PCDHA3: variants seen among roughly 807,000 people sequenced by gnomAD.
PCDHA3 encodes protocadherin alpha 3.
In PCDHA3, 41 loss-of-function variants were observed where a neutral mutation model predicts 62.2. The ratio of observed to expected loss-of-function variants is 0.66; its 90% CI spans 0.51 to 0.86. The LOEUF (loss-of-function observed/expected upper bound fraction) is 0.86. Ranked by LOEUF, PCDHA3 falls within the 40% of genes least tolerant of loss-of-function variation. PCDHA3 has a pLI of 0.00. For synonymous variants in PCDHA3, 640 were observed against 555.4 expected (o/e 1.15, Z -2.14); for missense variants, 1,304 against 1,241.2 (o/e 1.05, Z -0.76).
At chr5:140,807,293 T>C (rs782145999) in intron 1 of PCDHA3, 2 of 1,614,084 alleles carry the variant, frequency 1.2e-6, no homozygotes, top group African/African-American at 2.7e-5. Flanking sequence ...CTACTCGGTC[T>C]CCGAGGAGGC....
intron 1 of PCDHA3, among the ~76,000 whole-genome samples, chr5:140,975,707 A>C (rs1445809800): frequency 6.6e-6 from 1 of 152,204 alleles, no homozygotes; most frequent in African/African-American, 2.4e-5. Context: ...ATTTTACTTT[A>C]AATCTTAGAA....
intron 1 of PCDHA3, chr5:140,815,025 C>T (rs1481825533): frequency 4.6e-5 from 7 of 152,110 alleles, no homozygotes; most frequent in African/African-American, 1.7e-4. Flanking sequence ...CTTTTGGTTA[C>T]AATTTGCATG....
Position 141,010,422 on chromosome 5 carries a change from G to A in PCDHA3, c.*485G>A. The A allele has an allele frequency of 8.7e-7, 1 of 1,145,442 alleles. No homozygotes were observed. Among genetic ancestry groups the A allele is most frequent in the Non-Finnish European group, 1.2e-6 (1 of 836,490 alleles). The allele number at this position is 1,145,442 out of a possible 1,614,324, so 71.0% of individuals were successfully genotyped here. A position where few individuals can be genotyped will look rare whatever the true frequency, so the allele number is the denominator to read the frequency against. On this transcript the variant is annotated 3_prime_UTR_variant, in exon 4 of 4. Transcript: ENST00000522353. ...AGCTTAGACTAATTGGTACAAGGAA[G>A]GCAAGAAAACAAAGACAAATAAACA... is the stretch of plus-strand genomic sequence containing the variant.
intron 1 of PCDHA3, chr5:140,968,754 G>T: frequency 1.2e-6 from 2 of 1,614,170 alleles, no homozygotes; most frequent in Non-Finnish European, 1.7e-6. Flanking sequence ...GTGGTGGTCC[G>T]AGATAATGGA....
intron 1 of PCDHA3, chr5:140,877,508 C>T (rs892674985): frequency 2.5e-6 from 4 of 1,613,808 alleles, no homozygotes; most frequent in Non-Finnish European, 2.5e-6. Context: ...CCAAAGACGT[C>T]GTCGCGGGCC....
chr5:140,922,177 A>G (rs1194396252), intron 1 of PCDHA3, among the ~76,000 whole-genome samples: 1 of 69,034 alleles, frequency 1.4e-5, no homozygotes, highest in Non-Finnish European at 3.3e-5. Context: ...TACAGCAGAC[A>G]AAAAAAAAGT....
rs376867914 is a variant in PCDHA3 at position 140,880,239 on chromosome 5, TGC to T, written c.2394+76650_2394+76651del. Among the ~76,000 whole-genome samples the T allele has an allele frequency of 5.6e-3, 860 of 152,302 alleles. 5 individuals carry two copies. The highest frequency in any genetic ancestry group is 0.014 in the Middle Eastern group (4 of 294). On this transcript the variant is annotated intron_variant, in intron 1 of 3. Transcript: ENST00000522353. ...AGTAGAACATTTAAATTAGTGTATG[TGC>T]GTGTGTGTATGTATACATATTTTAG...
At chr5:140,927,054 C>CT in intron 1 of PCDHA3, 1 of 1,611,076 alleles carries the variant, frequency 6.2e-7, no homozygotes, top group African/African-American at 1.3e-5. Context: ...CCTCGCGGAA[C>CT]TTTCGCTTCC....
At chr5:140,867,151 A>G (rs1437256888) in intron 1 of PCDHA3, 1 of 152,150 alleles carries the variant, frequency 6.6e-6, no homozygotes, top group Non-Finnish European at 1.5e-5. Context: ...ATTTTTCCAG[A>G]GTAAACCTTC....
intron 1 of PCDHA3, chr5:140,968,630 TA>T: frequency 6.2e-7 from 1 of 1,614,192 alleles, no homozygotes; most frequent in Non-Finnish European, 8.5e-7. Flanking sequence ...TTGGCTTTTT[TA>T]CCATCTAGCC....
At chr5:140,935,310 C>T (rs569890065) in intron 1 of PCDHA3, among the ~76,000 whole-genome samples, 2 of 152,200 alleles carry the variant, frequency 1.3e-5, no homozygotes, top group Non-Finnish European at 2.9e-5. Flanking sequence ...TACTTAACTT[C>T]ATCAATCTTA....
At chr5:140,993,509 C>T (rs930990761) in intron 3 of PCDHA3, among the ~76,000 whole-genome samples, 23 of 143,490 alleles carry the variant, frequency 1.6e-4, no homozygotes, top group Admixed American at 3.5e-4. Context: ...CACACACACA[C>T]GGGGAGAGAG....
chr5:140,809,434 A>T, intron 1 of PCDHA3: 2 of 1,614,242 alleles, frequency 1.2e-6, no homozygotes, highest in South Asian at 2.2e-5. Flanking sequence ...GGAGCTGGTC[A>T]TACTCGCAGC....
intron 1 of PCDHA3, among the ~76,000 whole-genome samples, chr5:140,894,027 A>G (rs1251239546): frequency 6.6e-6 from 1 of 152,206 alleles, no homozygotes; most frequent in Non-Finnish European, 1.5e-5. Context: ...AGTTCTGCAT[A>G]CTGGTAATGT....
intron 1 of PCDHA3, chr5:140,807,605 C>T: frequency 6.2e-7 from 1 of 1,614,208 alleles, no homozygotes; most frequent in Non-Finnish European, 8.5e-7. Flanking sequence ...ACAAAAGAAC[C>T]TGTCCATCGC....
chr5:140,853,745 C>G lies in PCDHA3; in HGVS notation c.2394+50154C>G. ...TAAGTCCTCATTGAATGTTCTGGTT[C>G]AAGGCTCCACCTCAGAAATTCTGAA... On this transcript the variant is annotated intron_variant, in intron 1 of 3. Transcript: ENST00000522353. 3.0e-6 allele frequency: 3 copies of G among 988,528 alleles called. 1 individual carries two copies. Among genetic ancestry groups the G allele is most frequent in the Non-Finnish European group, 3.7e-6 (3 of 820,460 alleles). The allele number at this position is 988,528 out of a possible 1,614,324, so 61.2% of individuals were successfully genotyped here. A position where few individuals can be genotyped will look rare whatever the true frequency, so the allele number is the denominator to read the frequency against.
At chr5:140,951,247 A>G (rs185452142) in intron 1 of PCDHA3, among the ~76,000 whole-genome samples, 1 of 152,230 alleles carries the variant, frequency 6.6e-6, no homozygotes, top group Non-Finnish European at 1.5e-5. Context: ...TTAGGAATGC[A>G]TCACATTTTT....
chr5:140,836,538 A>G, intron 1 of PCDHA3: 1 of 1,613,734 alleles, frequency 6.2e-7, no homozygotes, highest in Non-Finnish European at 8.5e-7. Flanking sequence ...GCTGCTGTAC[A>G]CGGCGTTGCG....
At chr5:140,855,706 TCAA>T (rs1176313933) in intron 1 of PCDHA3, among the ~76,000 whole-genome samples, 1 of 149,608 alleles carries the variant, frequency 6.7e-6, no homozygotes, top group African/African-American at 2.5e-5. Context: ...GCACGTGGGA[TCAA>T]CATTTATTGT....
Sources: allele counts gnomAD v4.1 joint callset (sites outside exome capture counted in the v4.1 genomes callset), GRCh38; gene constraint gnomAD v4.1.1; transcripts MANE v1.5; gene names NCBI Gene and HGNC (gene_info 2026-07-23, HGNC 2026-07-21).